The following CIT variants were observed in gnomAD, a reference collection of about 807,000 sequenced individuals.
CIT encodes citron Rho-interacting kinase.
In CIT, 79 loss-of-function variants were observed where a neutral mutation model predicts 272.7. That is an observed-to-expected ratio of 0.29 (90% CI 0.24 to 0.35). CIT has a LOEUF of 0.35. Among genes scored for constraint, CIT ranks in the 10% least tolerant of loss-of-function variants. The pLI, the probability that CIT is intolerant of heterozygous loss-of-function variation, is 1.00. For missense variants in CIT, 1,909 were observed against 2,618.3 expected (o/e 0.73, Z 5.91); for synonymous variants, 948 against 995.6 (o/e 0.95, Z 0.90).
intron 3 of CIT, among the ~76,000 whole-genome samples, chr12:119,864,929 T>C (rs560432134): frequency 6.6e-6 from 1 of 152,212 alleles, no homozygotes; most frequent in African/African-American, 2.4e-5. Context: ...CTACACTCTA[T>C]TCCATTTTCT....
chr12:119,769,148 C>A (rs1043564772), intron 18 of CIT, among the ~76,000 whole-genome samples: 15 of 148,960 alleles, frequency 1.0e-4, no homozygotes, highest in African/African-American at 2.5e-4. Context: ...AAGATTAGAT[C>A]AAAAAACTCA....
chr12:119,693,471 G>A (rs556196109), intron 46 of CIT, among the ~76,000 whole-genome samples: 3 of 152,272 alleles, frequency 2.0e-5, no homozygotes, highest in Non-Finnish European at 4.4e-5. Flanking sequence ...TGTTTTGATC[G>A]CACAGTAAGC....
intron 3 of CIT, among the ~76,000 whole-genome samples, chr12:119,864,940 C>CT (rs1348069247): frequency 6.6e-6 from 1 of 152,020 alleles, no homozygotes; most frequent in East Asian, 1.9e-4. Context: ...TCCATTTTCT[C>CT]TAACAGTCCC....
chr12:119,718,796 C>T lies in CIT; in HGVS notation c.3906G>A (p.Glu1302=), dbSNP rs1180590811. 2.5e-6 allele frequency: 4 copies of T among 1,614,194 alleles called. No individual in the cohort carries two copies. The highest frequency in any genetic ancestry group is 1.1e-5 in the South Asian group (1 of 91,086). The stretch of plus-strand genomic sequence containing the variant: ...TCTCCTTCTCCAGGGCCAGCTTCAG[C>T]TCATTGTACTGCAGAGGAACCTGTG... ...LPTQVPLQYN[E]LKLALEKEKA... is the part of the protein sequence containing the mutation. Residue 1302 remains glutamate, a synonymous_variant, in exon 31 of 48, where the codon GAG becomes GAA. Coordinates refer to ENST00000392521, the MANE Select transcript of CIT (RefSeq NM_001206999.2). This position sits in a 1 kb window ranked among gnomAD's most constrained non-coding sequence, Gnocchi z 4.8.
rs1012657316 is a variant in CIT, at chr12:119,718,328, A to G, written c.4085T>C (p.Val1362Ala). 3.7e-6 allele frequency: 6 copies of G among 1,614,076 alleles called. No homozygotes were observed. Among genetic ancestry groups the G allele is most frequent in the African/African-American group, 1.3e-5 (1 of 75,048 alleles). Residue 1362 changes from valine to alanine, a missense_variant, in exon 32 of 48, where the codon GTG becomes GCG. Around this residue, in one of 8 missense-constraint regions of CIT, gnomAD observed 780 missense variants for 1,067.2 expected, o/e 0.73. Coordinates refer to ENST00000392521, the MANE Select transcript of CIT (RefSeq NM_001206999.2). This position sits in a 1 kb window ranked among gnomAD's most constrained non-coding sequence, Gnocchi z 4.8. ...ARQQIAMSAI[V>A]RSPEHQPSAM... ...ACTGGGCTGGTGCTCTGGCGACCGCACGATGGCGGACATGGCGATCTGCTG... is the reference window on the plus strand; with the variant it reads ...ACTGGGCTGGTGCTCTGGCGACCGCGCGATGGCGGACATGGCGATCTGCTG...
chr12:119,713,220 T>C lies in CIT; in HGVS notation c.4562A>G (p.Asp1521Gly), dbSNP rs1253232008. The C allele has an allele frequency of 6.2e-7, 1 of 1,613,768 alleles. No homozygotes were observed. The highest frequency in any genetic ancestry group is 8.5e-7 in the Non-Finnish European group (1 of 1,179,760). ...VLEGSKVLIYDNEAREAGQRP... is the reference protein window; with the variant it reads ...VLEGSKVLIYGNEAREAGQRP... ...TAATTTACCTTCTCTGGCTTCATTG[T>C]CATAAATGAGGACTTTTGATCCCTC... is the stretch of plus-strand genomic sequence containing the variant. Residue 1521 changes from aspartate to glycine, a missense_variant, in exon 35 of 48, where the codon GAC (aspartate) becomes GGC (glycine). Coordinates refer to ENST00000392521, the MANE Select transcript of CIT (RefSeq NM_001206999.2). This position sits in a 1 kb window ranked among gnomAD's most constrained non-coding sequence, Gnocchi z 5.2.
chr12:119,827,910 A>G (rs1968300836), intron 7 of CIT, among the ~76,000 whole-genome samples: 1 of 152,096 alleles, frequency 6.6e-6, no homozygotes, highest in Admixed American at 6.5e-5. Flanking sequence ...CACTTACTGG[A>G]TTTCATTTTT....
chr12:119,730,714 C>G (rs539478736), intron 26 of CIT, 84 bp from the exon 27 acceptor site: 16 of 1,461,740 alleles, frequency 1.1e-5, no homozygotes, highest in Non-Finnish European at 1.2e-5. Context: ...CTAATCCTGA[C>G]GAGCAACTAA....
At chr12:119,753,457 C>T (rs564565368) in intron 22 of CIT, among the ~76,000 whole-genome samples, 25 of 152,112 alleles carry the variant, frequency 1.6e-4, no homozygotes, top group Admixed American at 1.6e-3. Flanking sequence ...TGACTCCCAG[C>T]CGGGTGCAAT....
At position 119,803,286 on chromosome 12, in the gene CIT, G is replaced by T; in HGVS notation, c.1215C>A (p.Ser405Arg). The stretch of plus-strand genomic sequence containing the variant: ...GTTCTTCACCCGAGAAGCCTGAGGG[G>T]CTCAGCTGGCACGGAGAGGATGAAA... ...SWVSSSPCQL[S>R]PSGFSGEELP... is the part of the protein sequence containing the mutation. Residue 405 changes from serine to arginine, a missense_variant, in exon 10 of 48, where the codon AGC (serine) becomes AGA (arginine). Transcript: ENST00000392521. 1 of 1,610,380 alleles carries T rather than the reference G, an allele frequency of 6.2e-7. No individual in the cohort carries two copies. Among genetic ancestry groups the T allele is most frequent in the South Asian group, 1.1e-5 (1 of 90,920 alleles).
At chr12:119,774,513 T>C (rs1963538377) in intron 16 of CIT, among the ~76,000 whole-genome samples, 1 of 151,986 alleles carries the variant, frequency 6.6e-6, no homozygotes, top group Admixed American at 6.6e-5. Flanking sequence ...GAATGTGAGG[T>C]GATAGATCTG....
intron 10 of CIT, among the ~76,000 whole-genome samples, chr12:119,790,624 A>G (rs1965228448): frequency 6.6e-6 from 1 of 152,210 alleles, no homozygotes; most frequent in Non-Finnish European, 1.5e-5. Context: ...AGAAGAGAAT[A>G]TAAAAGCCCT....
At chr12:119,717,371 TGA>T (rs1289251510) in intron 32 of CIT, among the ~76,000 whole-genome samples, 2 of 149,368 alleles carry the variant, frequency 1.3e-5, no homozygotes, top group East Asian at 4.0e-4. Context: ...AAAAAAGGCC[TGA>T]GAGAGAGATG....
intron 3 of CIT, among the ~76,000 whole-genome samples, chr12:119,862,490 T>A (rs936677410): frequency 2.6e-5 from 4 of 151,960 alleles, no homozygotes; most frequent in Admixed American, 6.6e-5. Context: ...AAAATTCATG[T>A]TGAAATGTAA....
chr12:119,842,685 T>C (rs1220398981), intron 5 of CIT, among the ~76,000 whole-genome samples: 9 of 152,084 alleles, frequency 5.9e-5, no homozygotes, highest in Non-Finnish European at 5.9e-5. Context: ...TCACCACAAA[T>C]GGGAAATTTT....
intron 5 of CIT, among the ~76,000 whole-genome samples, chr12:119,837,756 A>G (rs1969106710): frequency 6.6e-6 from 1 of 152,204 alleles, no homozygotes; most frequent in Non-Finnish European, 1.5e-5. Context: ...TGTCCATCAG[A>G]ATCACCAGAA....
chr12:119,698,454 G>A (rs1157739081), intron 44 of CIT, among the ~76,000 whole-genome samples: 1 of 152,104 alleles, frequency 6.6e-6, no homozygotes, highest in Non-Finnish European at 1.5e-5. Context: ...GCCAGGCATG[G>A]TGGTGTACAC....
intron 33 of CIT, 72 bp downstream of exon 33, chr12:119,714,125 C>A (rs1957320154): frequency 6.4e-7 from 1 of 1,566,400 alleles, no homozygotes. Context: ...AAAAAAATCA[C>A]CTCCACCTGA....
intron 5 of CIT, among the ~76,000 whole-genome samples, chr12:119,836,074 G>C (rs1968981886): frequency 6.6e-6 from 1 of 151,918 alleles, no homozygotes; most frequent in African/African-American, 2.4e-5. Flanking sequence ...GGATCACAAG[G>C]TCAAGAGATC....
Sources: allele counts gnomAD v4.1 joint callset (sites outside exome capture counted in the v4.1 genomes callset), GRCh38; gene constraint gnomAD v4.1.1; regional missense constraint gnomAD v4.1.1; non-coding constraint Gnocchi (gnomAD v3.1); transcripts MANE v1.5; gene names NCBI Gene and HGNC (gene_info 2026-07-23, HGNC 2026-07-21).